SHQ1: variants seen among roughly 807,000 people sequenced by gnomAD.
The protein encoded by SHQ1 is SHQ1, H/ACA ribonucleoprotein assembly factor.
Under a neutral mutation model 53.8 loss-of-function variants are expected in SHQ1, and 49 were observed. That is an observed-to-expected ratio of 0.91 (90% CI 0.72 to 1.16). SHQ1 has a LOEUF of 1.16. SHQ1 is among the 50% of genes most tolerant of loss of function. The pLI is 0.00. For missense variants in SHQ1, 738 were observed against 683.1 expected (o/e 1.08, Z -0.90); for synonymous variants, 243 against 251.0 (o/e 0.97, Z 0.30).
At position 72,775,523 on chromosome 3, in the gene SHQ1, C is replaced by T. The variant is rs900578212; in HGVS notation, c.1181+17393G>A. On this transcript the variant is annotated intron_variant, in intron 10 of 10. Coordinates refer to ENST00000325599, the MANE Select transcript of SHQ1 (RefSeq NM_018130.3). Reference sequence around the variant, plus strand: ...CAAGGAATGTATCATTTCAATATTACGTGCACTGTTTCAGAGAACAGAAAA... The same window carrying T: ...CAAGGAATGTATCATTTCAATATTATGTGCACTGTTTCAGAGAACAGAAAA... 9.8e-5 allele frequency among the ~76,000 whole-genome samples: 14 copies of T among 142,430 alleles called. No individual in the cohort carries two copies. The East Asian group carries it at 1.1e-3, about 11-fold the overall frequency. 93.4% of individuals were successfully genotyped at this position (142,430 alleles called of 152,430 possible). A position where few individuals can be genotyped will look rare whatever the true frequency, so the allele number is the denominator to read the frequency against.
At chr3:72,781,319 G>A (rs1052883052) in intron 10 of SHQ1, among the ~76,000 whole-genome samples, 2 of 152,064 alleles carry the variant, frequency 1.3e-5, no homozygotes, top group Non-Finnish European at 2.9e-5. Context: ...GTCTCCCAAA[G>A]TGCTGGGATT....
At chr3:72,831,836 A>C (rs1003888743) in intron 5 of SHQ1, among the ~76,000 whole-genome samples, 2 of 152,248 alleles carry the variant, frequency 1.3e-5, no homozygotes, top group Non-Finnish European at 2.9e-5. Flanking sequence ...GCCAGTGGGA[A>C]ATAATACAGC....
At chr3:72,763,035 A>G (rs1489136587) in intron 10 of SHQ1, among the ~76,000 whole-genome samples, 3 of 135,748 alleles carry the variant, frequency 2.2e-5, no homozygotes, top group East Asian at 3.9e-4. Context: ...ACACACACAC[A>G]CACACACACA....
At chr3:72,801,024 T>C (rs1706770492) in intron 9 of SHQ1, among the ~76,000 whole-genome samples, 1 of 152,220 alleles carries the variant, frequency 6.6e-6, no homozygotes, top group African/African-American at 2.4e-5. Context: ...AAAACAGTGA[T>C]TGTTTCAGTT....
Position 72,848,404 on chromosome 3 carries a change from A to C in SHQ1, c.-64T>G. On this transcript the variant is annotated 5_prime_UTR_variant, in exon 1 of 11. Coordinates refer to ENST00000325599, the MANE Select transcript of SHQ1 (RefSeq NM_018130.3). ...ACTGCCGCCGCGTTCCCGCCACGCAAACTCTCCAACTCCCCACGCGCAGGA... is the reference window on the plus strand; with the variant it reads ...ACTGCCGCCGCGTTCCCGCCACGCACACTCTCCAACTCCCCACGCGCAGGA... 6.3e-7 allele frequency: 1 copy of C among 1,591,326 alleles called. No individual in the cohort carries two copies. Among genetic ancestry groups the C allele is most frequent in the Admixed American group, 1.8e-5 (1 of 56,782 alleles).
the SHQ1 span, among the ~76,000 whole-genome samples, chr3:72,740,954 A>C: frequency 2.6e-5 from 4 of 152,276 alleles, no homozygotes; most frequent in East Asian, 7.7e-4. Flanking sequence ...TACCTTCAAT[A>C]ACTTCCAAGG....
At chr3:72,755,825 C>T (rs1216833035) in intron 10 of SHQ1, among the ~76,000 whole-genome samples, 1 of 152,172 alleles carries the variant, frequency 6.6e-6, no homozygotes, top group Non-Finnish European at 1.5e-5. Flanking sequence ...TCAAAACTGA[C>T]TAGGCTAGTT....
intron 4 of SHQ1, among the ~76,000 whole-genome samples, chr3:72,836,351 T>C (rs1331091538): frequency 1.3e-5 from 2 of 152,096 alleles, no homozygotes; most frequent in African/African-American, 2.4e-5. Context: ...TAGCCGGGTG[T>C]GGTGGCGGGC....
rs375591995 is a variant in SHQ1, at chr3:72,758,801, T to C, written c.1182-7965A>G. On this transcript the variant is annotated intron_variant, in intron 10 of 10. Coordinates refer to ENST00000325599, the MANE Select transcript of SHQ1 (RefSeq NM_018130.3). ...CCAGGCTGGTCTCAAACTCCTGACC[T>C]CATGATCTGCCTGCCTTGGCCTTCC... Among the ~76,000 whole-genome samples the C allele has an allele frequency of 1.8e-4, 28 of 152,278 alleles. No homozygotes were observed. In the South Asian group the frequency reaches 5.8e-3, roughly 32 times the overall value.
In SHQ1 at chr3:72,750,440, A is replaced by G; in HGVS notation, c.1578T>C (p.Leu526=). 1.2e-6 allele frequency: 2 copies of G among 1,614,190 alleles called. No individual in the cohort carries two copies. The highest frequency in any genetic ancestry group is 1.7e-6 in the Non-Finnish European group (2 of 1,180,036). ...QESDASQGKP[L]ASSWPLGVSG... is the part of the protein sequence containing the mutation. ...ACACTCCAAGAGGCCAGGAAGAGGC[A>G]AGTGGCTTTCCCTGACTGGCATCAG... Residue 526 remains leucine (L), a synonymous_variant, in exon 11 of 11, where the codon CTT becomes CTC. Transcript: ENST00000325599.
intron 9 of SHQ1, among the ~76,000 whole-genome samples, chr3:72,805,894 C>A (rs1706927326): frequency 6.6e-6 from 1 of 152,080 alleles, no homozygotes; most frequent in Non-Finnish European, 1.5e-5. Context: ...TTAAGAGAAC[C>A]AAGAATGTTT....
At chr3:72,729,701 A>T in the SHQ1 span, among the ~76,000 whole-genome samples, 1 of 152,246 alleles carries the variant, frequency 6.6e-6, no homozygotes, top group Non-Finnish European at 1.5e-5. Context: ...TTTGCATGAG[A>T]AAGCACAGCC....
intron 10 of SHQ1, chr3:72,753,027 C>G: frequency 1.0e-6 from 1 of 985,276 alleles, no homozygotes; most frequent in Non-Finnish European, 1.2e-6. Context: ...AGTAAATAAA[C>G]TTTTCCATTA....
At chr3:72,782,639 C>T (rs962527731) in intron 10 of SHQ1, among the ~76,000 whole-genome samples, 2 of 152,208 alleles carry the variant, frequency 1.3e-5, no homozygotes, top group Admixed American at 1.3e-4. Context: ...ATTAAGGCAG[C>T]AACTCCCTGT....
At chr3:72,837,795 C>T (rs998852291) in intron 4 of SHQ1, among the ~76,000 whole-genome samples, 1 of 152,142 alleles carries the variant, frequency 6.6e-6, no homozygotes, top group African/African-American at 2.4e-5. Context: ...AGTTTTGAAC[C>T]ACTTGTTACG....
intron 10 of SHQ1, among the ~76,000 whole-genome samples, chr3:72,788,723 T>C (rs562745837): frequency 6.0e-4 from 91 of 152,342 alleles, no homozygotes; most frequent in African/African-American, 2.0e-3. Context: ...CTCCATTTTG[T>C]TCTGTACTAA....
chr3:72,772,957 A>T lies in SHQ1; in HGVS notation c.1181+19959T>A, dbSNP rs1705886964. 9.4e-6 allele frequency: 10 copies of T among 1,065,644 alleles called. No individual in the cohort carries two copies. The South Asian group carries it at 1.2e-4, about 12-fold the overall frequency. The allele number at this position is 1,065,644 out of a possible 1,614,324, so 66.0% of individuals were successfully genotyped here. Reference sequence around the variant, plus strand: ...GCATGAAGAATCGGAAGAAAAACAAAATCAAGAAGAAGAAAGTGAAGATGA... The same window carrying T: ...GCATGAAGAATCGGAAGAAAAACAATATCAAGAAGAAGAAAGTGAAGATGA... On this transcript the variant is annotated intron_variant, in intron 10 of 10. Coordinates refer to ENST00000325599, the MANE Select transcript of SHQ1 (RefSeq NM_018130.3).
At chr3:72,730,071 G>C in the SHQ1 span, among the ~76,000 whole-genome samples, 1 of 152,042 alleles carries the variant, frequency 6.6e-6, no homozygotes, top group Non-Finnish European at 1.5e-5. Context: ...GCCTGCCTCG[G>C]CTTCCCAAAG....
chr3:72,750,674 A>G lies in SHQ1; in HGVS notation c.1344T>C (p.Leu448=), dbSNP rs1340995326. 2.5e-6 allele frequency: 4 copies of G among 1,609,896 alleles called. No homozygotes were observed. In the African/African-American group the frequency reaches 5.4e-5, roughly 22 times the overall value. ...AAHSVSGQQT[L]CSSSEASDSE... ...AATCACTTGCCTCAGAGCTGGAGCA[A>G]AGTGTCTGCTGCCCAGAAACTGAAT... Residue 448 remains leucine, a synonymous_variant, in exon 11 of 11, where the codon CTT becomes CTC. Coordinates refer to ENST00000325599, the MANE Select transcript of SHQ1 (RefSeq NM_018130.3).
Sources: allele counts gnomAD v4.1 joint callset (sites outside exome capture counted in the v4.1 genomes callset), GRCh38; gene constraint gnomAD v4.1.1; transcripts MANE v1.5; gene names NCBI Gene and HGNC (gene_info 2026-07-23, HGNC 2026-07-21).